ANK3: variants seen among roughly 807,000 people sequenced by gnomAD.
ANK3 encodes the protein ankyrin 3, also known as ankyrin-3.
ANK3 carries 57 observed loss-of-function variants against 370.9 expected under a neutral mutation model. The observed-to-expected ratio is 0.15, with a 90% CI of 0.12 to 0.19. ANK3 has a LOEUF of 0.19. ANK3 is among the 10% of genes least tolerant of loss of function. ANK3 has a pLI of 1.00. For missense variants in ANK3, 4,439 were observed against 5,302.1 expected (o/e 0.84, Z 5.06); for synonymous variants, 1,929 against 1,946.3 (o/e 0.99, Z 0.23).
intron 25 of ANK3, among the ~76,000 whole-genome samples, chr10:60,133,716 T>G (rs771155472): frequency 1.3e-5 from 2 of 151,994 alleles, no homozygotes; most frequent in Non-Finnish European, 2.9e-5. Context: ...AGGTCAGGAG[T>G]TCTAGACCAG....
intron 1 of ANK3, among the ~76,000 whole-genome samples, chr10:60,356,322 G>C (rs189024608): frequency 6.6e-6 from 1 of 152,342 alleles, no homozygotes; most frequent in East Asian, 1.9e-4. Flanking sequence ...CTCTGTGCAT[G>C]TATCTATATA....
chr10:60,186,341 T>TTG lies in ANK3; in HGVS notation c.2085+373_2085+374insCA, dbSNP rs1342138827. On this transcript the variant is annotated intron_variant, in intron 17 of 43. Transcript: ENST00000280772. The stretch of plus-strand genomic sequence containing the variant: ...CTGAATTATTTATTTACCATTATCT[T>TTG]TCTGTCTTTTTTTTTTTTTTTTTTA... Among the ~76,000 whole-genome samples, 54 of 62,166 alleles carry TTG rather than the reference T, an allele frequency of 8.7e-4. 1 individual carries two copies. In the South Asian group the frequency reaches 0.028, roughly 32 times the overall value. The allele number at this position is 62,166 out of a possible 152,430, so 40.8% of individuals were successfully genotyped here.
intron 15 of ANK3, 113 bp downstream of exon 15, chr10:60,196,414 T>G: frequency 4.4e-6 from 4 of 913,130 alleles, no homozygotes; most frequent in Non-Finnish European, 6.8e-6. Context: ...CTCTTCATCC[T>G]AGTGGGACTT....
chr10:60,250,998 T>C (rs1363791046), intron 7 of ANK3, among the ~76,000 whole-genome samples: 1 of 152,212 alleles, frequency 6.6e-6, no homozygotes, highest in Non-Finnish European at 1.5e-5. Context: ...TTTTTTATTG[T>C]CTTTACTGTA....
intron 2 of ANK3, among the ~76,000 whole-genome samples, chr10:60,471,911 A>G (rs990428233): frequency 9.2e-5 from 14 of 152,078 alleles, no homozygotes; most frequent in African/African-American, 3.4e-4. Flanking sequence ...TAAAGGCCCT[A>G]GAGAGAAGAG....
At chr10:60,727,563 C>T (rs1026050239) in intron 1 of ANK3, among the ~76,000 whole-genome samples, 1 of 152,044 alleles carries the variant, frequency 6.6e-6, no homozygotes, top group Non-Finnish European at 1.5e-5. Flanking sequence ...GTGAATTATA[C>T]CTCAATAAAG....
rs771714886 is a variant in ANK3 at position 60,177,593 on chromosome 10, CT to C, written c.2184+3735del. Among the ~76,000 whole-genome samples the C allele has an allele frequency of 1.7e-3, 182 of 106,276 alleles. 2 individuals carry two copies. In the East Asian group the frequency reaches 0.025, roughly 15 times the overall value. The allele number at this position is 106,276 out of a possible 152,430, so 69.7% of individuals were successfully genotyped here. A position where few individuals can be genotyped will look rare whatever the true frequency, so the allele number is the denominator to read the frequency against. On this transcript the variant is annotated intron_variant, in intron 18 of 43. Coordinates refer to ENST00000280772, the MANE Select transcript of ANK3 (RefSeq NM_020987.5). ...CCCATACCACACATGGTCTTCAAAT[CT>C]TTTTTTTTTTTTTTTTTGTTTGAGA...
At chr10:60,139,338 C>G (rs1411219982) in intron 23 of ANK3, 1 of 442,540 alleles carries the variant, frequency 2.3e-6, no homozygotes, top group Non-Finnish European at 4.0e-6. Context: ...AAAACATTAC[C>G]CGTATCCCTT....
At chr10:60,144,143 G>C (rs79513627) in intron 23 of ANK3, 1 of 408,026 alleles carries the variant, frequency 2.5e-6, no homozygotes, top group Non-Finnish European at 4.8e-6. Context: ...GCTGAGCCCC[G>C]ATTAACTCAC....
At chr10:60,582,504 T>C (rs764148116) in intron 2 of ANK3, among the ~76,000 whole-genome samples, 16 of 152,024 alleles carry the variant, frequency 1.1e-4, no homozygotes, top group Non-Finnish European at 1.8e-4. Context: ...TCCTGTAATA[T>C]GTGCCAGAGT....
At chr10:60,334,115 G>A (rs2052175523) in intron 1 of ANK3, among the ~76,000 whole-genome samples, 1 of 152,104 alleles carries the variant, frequency 6.6e-6, no homozygotes, top group Non-Finnish European at 1.5e-5. Context: ...ATCTCTATTA[G>A]TCTGTTACAT....
chr10:60,382,487 T>G (rs77305038), intron 1 of ANK3, among the ~76,000 whole-genome samples: 2,081 of 152,144 alleles, frequency 0.014, 37 homozygotes, highest in African/African-American at 0.048. Context: ...TATAAGCACC[T>G]CCCACATTTG....
chr10:60,343,226 C>G (rs2054653375), intron 1 of ANK3, among the ~76,000 whole-genome samples: 1 of 151,974 alleles, frequency 6.6e-6, no homozygotes, highest in Non-Finnish European at 1.5e-5. Context: ...TAATTTATCA[C>G]AGTAAAATAA....
At chr10:60,363,083 C>T (rs934251979) in intron 1 of ANK3, among the ~76,000 whole-genome samples, 44 of 2,708 alleles carry the variant, frequency 0.016, 1 homozygote, top group East Asian at 0.13. Flanking sequence ...GGCGGGCGGG[C>T]GGGGGAGGGG....
intron 18 of ANK3, among the ~76,000 whole-genome samples, chr10:60,178,281 G>T (rs970858842): frequency 3.9e-5 from 6 of 151,952 alleles, no homozygotes; most frequent in Non-Finnish European, 7.4e-5. Context: ...AGTTATTACC[G>T]AATACTCTAA....
At chr10:60,624,587 A>G (rs2078382822) in intron 1 of ANK3, among the ~76,000 whole-genome samples, 1 of 152,164 alleles carries the variant, frequency 6.6e-6, no homozygotes, top group African/African-American at 2.4e-5. Context: ...GCAAGTTATT[A>G]AACCTGAGGG....
chr10:60,331,211 C>T (rs2051201458), intron 1 of ANK3, among the ~76,000 whole-genome samples: 1 of 151,954 alleles, frequency 6.6e-6, no homozygotes, highest in Non-Finnish European at 1.5e-5. Context: ...CATGTGTATA[C>T]CTATACAACA....
intron 31 of ANK3, 22 bp from the exon 32 acceptor site, chr10:60,084,852 A>G (rs1464479834): frequency 6.7e-7 from 1 of 1,496,600 alleles, no homozygotes; most frequent in Non-Finnish European, 8.9e-7. Context: ...AAAAAACAGA[A>G]GTATGAAAAT....
chr10:60,484,764 G>A (rs1263797381), intron 2 of ANK3, among the ~76,000 whole-genome samples: 4 of 152,142 alleles, frequency 2.6e-5, no homozygotes, highest in Non-Finnish European at 5.9e-5. Flanking sequence ...CCACTGAACT[G>A]AGTATTTCCC....
Sources: gnomAD v4.1 joint callset for allele counts (sites outside exome capture counted in the v4.1 genomes callset) on GRCh38, gnomAD v4.1.1 for gene constraint, MANE v1.5 for transcripts, NCBI Gene and HGNC (gene_info 2026-07-23, HGNC 2026-07-21) for gene names.